The following DYTN variants were observed in gnomAD, a reference collection of about 807,000 sequenced individuals.
DYTN encodes dystrotelin.
Under a neutral mutation model 69.6 loss-of-function variants are expected in DYTN, and 75 were observed. That is an observed-to-expected ratio of 1.08 (90% CI 0.89 to 1.31). DYTN has a LOEUF of 1.31. DYTN is among the 50% of genes most tolerant of loss of function. The pLI is 0.00. For missense variants in DYTN, 726 were observed against 688.4 expected (o/e 1.05, Z -0.61); for synonymous variants, 252 against 249.1 (o/e 1.01, Z -0.11).
At chr2:206,684,975 C>T (rs1699789426) in intron 9 of DYTN, among the ~76,000 whole-genome samples, 1 of 152,086 alleles carries the variant, frequency 6.6e-6, no homozygotes, top group South Asian at 2.1e-4. Flanking sequence ...GGTTTGTTTA[C>T]CCTCAGCATT....
At chr2:206,706,767 A>G (rs891325658) in intron 3 of DYTN, among the ~76,000 whole-genome samples, 4 of 152,108 alleles carry the variant, frequency 2.6e-5, no homozygotes, top group African/African-American at 9.7e-5. Flanking sequence ...TTACAGCTCA[A>G]AAAACACACG....
chr2:206,690,965 T>A (rs1486399971), intron 9 of DYTN, among the ~76,000 whole-genome samples: 1 of 152,152 alleles, frequency 6.6e-6, no homozygotes, highest in African/African-American at 2.4e-5. Context: ...AACTTTTCAT[T>A]TTTAGCCTAA....
At chr2:206,670,972 T>G (rs1323955392) in intron 9 of DYTN, among the ~76,000 whole-genome samples, 5 of 152,200 alleles carry the variant, frequency 3.3e-5, no homozygotes, top group East Asian at 1.9e-4. Context: ...TACCTGCGTG[T>G]GCACTAAAGT....
At chr2:206,657,830 T>C (rs1379503366) in intron 11 of DYTN, among the ~76,000 whole-genome samples, 1 of 152,208 alleles carries the variant, frequency 6.6e-6, no homozygotes, top group Admixed American at 6.5e-5. Context: ...ATAATGTGTC[T>C]CAGTGTTGAA....
intron 4 of DYTN, 120 bp from the exon 5 acceptor site, chr2:206,705,063 T>C: frequency 1.2e-6 from 1 of 803,800 alleles, no homozygotes; most frequent in Middle Eastern, 2.3e-4. Context: ...GAAAGTTATG[T>C]TCTTGATTAT....
At chr2:206,690,345 G>A (rs1241127659) in intron 9 of DYTN, among the ~76,000 whole-genome samples, 4 of 152,216 alleles carry the variant, frequency 2.6e-5, no homozygotes, top group African/African-American at 9.7e-5. Context: ...GGAGGACCAA[G>A]AGCTGGTGGG....
chr2:206,706,407 A>G (rs761355296), intron 3 of DYTN, among the ~76,000 whole-genome samples: 3 of 152,126 alleles, frequency 2.0e-5, no homozygotes, highest in Non-Finnish European at 4.4e-5. Flanking sequence ...AATAGAAATG[A>G]CAGTCAAAAG....
At chr2:206,710,662 G>A in intron 1 of DYTN, 64 bp from the exon 2 acceptor site, 1 of 1,294,862 alleles carries the variant, frequency 7.7e-7, no homozygotes. Context: ...CCACATCATG[G>A]AAGGAAATCC....
At chr2:206,665,844 T>C in intron 10 of DYTN, 26 bp downstream of exon 10, 2 of 1,610,192 alleles carry the variant, frequency 1.2e-6, no homozygotes, top group South Asian at 2.2e-5. Flanking sequence ...GCAGTCCAGA[T>C]GGCCAGTGTC....
At chr2:206,675,145 G>GTGTGTGTGTGTGTA (rs1415225495) in intron 9 of DYTN, among the ~76,000 whole-genome samples, 83 of 120,400 alleles carry the variant, frequency 6.9e-4, no homozygotes, top group African/African-American at 1.3e-3. Context: ...GTGTGTGTGT[G>GTGTGTGTGTGTGTA]TATATATGTG....
chr2:206,715,343 G>T (rs1385415473), intron 1 of DYTN, among the ~76,000 whole-genome samples: 4 of 152,090 alleles, frequency 2.6e-5, no homozygotes, highest in Non-Finnish European at 5.9e-5. Flanking sequence ...CCCCAGAGGC[G>T]AGGGGGAGGG....
intron 8 of DYTN, among the ~76,000 whole-genome samples, chr2:206,693,559 A>G (rs2105897510): frequency 6.6e-6 from 1 of 152,264 alleles, no homozygotes; most frequent in East Asian, 1.9e-4. Context: ...CCTTAGAGTA[A>G]CCCCGTCATT....
At chr2:206,666,721 A>G (rs76734591) in intron 9 of DYTN, among the ~76,000 whole-genome samples, 96 of 145,906 alleles carry the variant, frequency 6.6e-4, no homozygotes, top group African/African-American at 2.3e-3. Context: ...AGTTGGGTGC[A>G]CTCACTCATG....
chr2:206,686,778 C>G (rs35453127), intron 9 of DYTN: 23,747 of 152,304 alleles, frequency 0.16, 2,065 homozygotes, highest in East Asian at 0.21. Context: ...CAGCCCCATG[C>G]CTTTTCACCA....
intron 9 of DYTN, among the ~76,000 whole-genome samples, chr2:206,680,875 T>A (rs1453580663): frequency 2.6e-5 from 4 of 152,232 alleles, no homozygotes; most frequent in African/African-American, 9.6e-5. Flanking sequence ...GGCTCTTTTT[T>A]GGTTCCATAT....
intron 11 of DYTN, among the ~76,000 whole-genome samples, chr2:206,660,564 G>A (rs1699501037): frequency 6.6e-6 from 1 of 152,154 alleles, no homozygotes; most frequent in African/African-American, 2.4e-5. Flanking sequence ...CCAAACTTTT[G>A]GTGAAATTTT....
At chr2:206,675,539 A>G (rs1163838324) in intron 9 of DYTN, among the ~76,000 whole-genome samples, 1 of 152,002 alleles carries the variant, frequency 6.6e-6, no homozygotes, top group Non-Finnish European at 1.5e-5. Flanking sequence ...TATTATCACA[A>G]TATGACAGGA....
At chr2:206,675,085 A>G (rs985534923) in intron 9 of DYTN, among the ~76,000 whole-genome samples, 2 of 148,754 alleles carry the variant, frequency 1.3e-5, no homozygotes, top group African/African-American at 4.9e-5. Context: ...AAGAGGTTTA[A>G]ATATTGGAGG....
intron 5 of DYTN, among the ~76,000 whole-genome samples, chr2:206,704,384 A>C (rs1158948005): frequency 1.3e-5 from 2 of 152,230 alleles, no homozygotes; most frequent in Non-Finnish European, 2.9e-5. Flanking sequence ...AACTTGGTGC[A>C]TGTCAGGCAC....
Sources: allele counts gnomAD v4.1 joint callset (sites outside exome capture counted in the v4.1 genomes callset), GRCh38; gene constraint gnomAD v4.1.1; transcripts MANE v1.5; gene names NCBI Gene and HGNC (gene_info 2026-07-23, HGNC 2026-07-21).